Variants in FAM167A observed in about 807,000 individuals in gnomAD.
FAM167A encodes family with sequence similarity 167 member A.
In FAM167A, 23 loss-of-function variants were observed where a neutral mutation model predicts 14.9. The ratio of observed to expected loss-of-function variants is 1.55; its 90% CI spans 1.11 to 2.19. The LOEUF (loss-of-function observed/expected upper bound fraction) is 2.19. Ranked by LOEUF, FAM167A falls within the 30% of genes most tolerant of loss-of-function variation. The pLI is 0.00. For missense variants in FAM167A, 401 were observed against 281.5 expected, an observed-to-expected ratio of 1.42 and a Z score of -3.04; for synonymous variants, 174 against 117.7, an observed-to-expected ratio of 1.48 and a Z score of -3.10.
intron 1 of FAM167A, among the ~76,000 whole-genome samples, chr8:11,464,460 T>C (rs933311411): frequency 1.5e-4 from 23 of 152,016 alleles, no homozygotes; most frequent in Admixed American, 1.3e-3. Context: ...CACCTCCCCC[T>C]GCCCACCATG....
Position 11,473,316 on chromosome 8 carries a change from C to T in FAM167A, c.-398+2550G>A, listed in dbSNP as rs373241514. 1.4e-4 allele frequency among the ~76,000 whole-genome samples: 22 copies of T among 152,112 alleles called. 1 individual carries two copies. The highest frequency in any genetic ancestry group is 1.4e-3 in the East Asian group (7 of 5,178). ...GAAGCTTGTTGCATACAGGGATGAT[C>T]ATTCTGTCATCAGGAAGGCCGAGAC... On this transcript the variant is annotated intron_variant, in intron 1 of 1. Transcript: ENST00000648766.
At chr8:11,429,347 G>C (rs1001148472) in intron 2 of FAM167A, among the ~76,000 whole-genome samples, 4 of 152,234 alleles carry the variant, frequency 2.6e-5, no homozygotes, top group Non-Finnish European at 5.9e-5. Context: ...TGTGGAGTTA[G>C]TCGGGAGGAC....
chr8:11,436,667 A>C (rs1299642694), intron 2 of FAM167A, among the ~76,000 whole-genome samples: 1 of 152,206 alleles, frequency 6.6e-6, no homozygotes, highest in Admixed American at 6.5e-5. Flanking sequence ...AGCTTTAGCC[A>C]AGGTGATAAC....
chr8:11,444,336 G>C lies in FAM167A; in HGVS notation c.76C>G (p.His26Asp). The C allele has an allele frequency of 6.2e-7, 1 of 1,608,774 alleles. No homozygotes were observed. The highest frequency in any genetic ancestry group is 8.5e-7 in the Non-Finnish European group (1 of 1,177,788). Residue 26 changes from histidine (H) to aspartate (D), a missense_variant, in exon 2 of 3, where the codon CAC (histidine) becomes GAC (aspartate). Physicochemically the swap from His to Asp is moderately conservative, Grantham distance 81. Coordinates refer to ENST00000284486, the MANE Select transcript of FAM167A (RefSeq NM_053279.3). ...GAGAAAPPDD[H>D]LRSLKALTEK... ...GTGAGGGCCTTCAGGCTCCGGAGGT[G>C]GTCATCGGGTGGTGCGGCTGCTCCC...
intron 1 of FAM167A, among the ~76,000 whole-genome samples, chr8:11,460,287 A>G (rs921381485): frequency 6.6e-6 from 1 of 152,168 alleles, no homozygotes; most frequent in Non-Finnish European, 1.5e-5. Context: ...AACATTTTGG[A>G]CAGAGCCAGC....
At chr8:11,440,038 C>G (rs1319860772) in intron 2 of FAM167A, among the ~76,000 whole-genome samples, 2 of 152,188 alleles carry the variant, frequency 1.3e-5, no homozygotes, top group Admixed American at 1.3e-4. Context: ...ATGCCCTCCC[C>G]CCACTCCCAC....
At position 11,423,172 on chromosome 8, in the gene FAM167A, A is replaced by G. The variant is rs1019009265; in HGVS notation, c.*1201T>C. The stretch of plus-strand genomic sequence containing the variant: ...ACACCAAAGGTCAGAAACACTCCTT[A>G]TCTCAGGATTCTACGGGTCTGGCCG... On this transcript the variant is annotated 3_prime_UTR_variant, in exon 3 of 3. Transcript: ENST00000284486. The G allele has an allele frequency of 2.0e-5, 3 of 152,238 alleles. No individual in the cohort carries two copies. The highest frequency in any genetic ancestry group is 6.5e-5 in the Admixed American group (1 of 15,278). The allele number at this position is 152,238 out of a possible 1,614,324, so 9.4% of individuals were successfully genotyped here. A position where few individuals can be genotyped will look rare whatever the true frequency, so the allele number is the denominator to read the frequency against.
chr8:11,443,228 G>T (rs887712549), intron 2 of FAM167A, among the ~76,000 whole-genome samples: 5 of 152,170 alleles, frequency 3.3e-5, no homozygotes, highest in Non-Finnish European at 7.4e-5. Context: ...TCCCCTGGGG[G>T]GGTGGAAGGG....
At chr8:11,432,004 G>A (rs886151139) in intron 2 of FAM167A, among the ~76,000 whole-genome samples, 1 of 151,886 alleles carries the variant, frequency 6.6e-6, no homozygotes, top group Non-Finnish European at 1.5e-5. Flanking sequence ...CCTGGCAAAG[G>A]CTAGTCTAAC....
At chr8:11,457,925 G>T (rs1242690463) in intron 1 of FAM167A, among the ~76,000 whole-genome samples, 1 of 152,232 alleles carries the variant, frequency 6.6e-6, no homozygotes, top group Non-Finnish European at 1.5e-5. Flanking sequence ...CCAGACATCA[G>T]CTCCTTGAGG....
intron 1 of FAM167A, among the ~76,000 whole-genome samples, chr8:11,456,046 G>GA (rs1807263244): frequency 1.6e-5 from 1 of 63,504 alleles, no homozygotes; most frequent in Non-Finnish European, 3.4e-5. Flanking sequence ...GTGTGAGTGT[G>GA]GGGTGGTTGC....
At chr8:11,454,816 C>T (rs2117122114) in intron 1 of FAM167A, among the ~76,000 whole-genome samples, 1 of 152,310 alleles carries the variant, frequency 6.6e-6, no homozygotes, top group East Asian at 1.9e-4. Flanking sequence ...CAGGACTGGG[C>T]TGGCCTCTGG....
Position 11,444,449 on chromosome 8 carries a change from C to G in FAM167A, c.-38G>C. 1.4e-6 allele frequency: 2 copies of G among 1,479,688 alleles called. No individual in the cohort carries two copies. 91.7% of individuals were successfully genotyped at this position (1,479,688 alleles called of 1,614,324 possible). ...CCTGGCAGCCGGACATGCGAGGGCA[C>G]GGGGGGCGCAGGGGGAGGCTTGGTG... On this transcript the variant is annotated 5_prime_UTR_variant, in exon 2 of 3. Transcript: ENST00000284486.
intron 1 of FAM167A, among the ~76,000 whole-genome samples, chr8:11,473,647 G>T (rs536013397): frequency 6.6e-6 from 1 of 152,264 alleles, no homozygotes; most frequent in South Asian, 2.1e-4. Flanking sequence ...GCAGGGTGCG[G>T]TTCTATCTCT....
intron 1 of FAM167A, among the ~76,000 whole-genome samples, chr8:11,459,850 G>A (rs1022428351): frequency 2.9e-4 from 44 of 152,104 alleles, no homozygotes; most frequent in African/African-American, 9.2e-4. Context: ...TGAGTAGCTG[G>A]GATTACAGGC....
intron 2 of FAM167A, among the ~76,000 whole-genome samples, chr8:11,426,621 A>AT (rs1162862736): frequency 2.0e-5 from 3 of 152,240 alleles, no homozygotes; most frequent in East Asian, 1.9e-4. Context: ...CTCAAAGATG[A>AT]TTTTGAGGGC....
upstream of FAM167A, among the ~76,000 whole-genome samples, chr8:11,469,513 C>T (rs538861559): frequency 2.0e-4 from 31 of 152,212 alleles, no homozygotes; most frequent in African/African-American, 6.3e-4. Flanking sequence ...TCCGTTGGTG[C>T]ATGATGCATG....
Position 11,424,360 on chromosome 8 carries a change from G to C in FAM167A, c.*13C>G, listed in dbSNP as rs1426116379. On this transcript the variant is annotated 3_prime_UTR_variant, in exon 3 of 3. Transcript: ENST00000284486. ...CCCTCCGCTCCAGCCCCTCCGCCCA[G>C]TCTGAGGGCTCCTCAGCAGAGAGAG... 12 of 1,613,664 alleles carry C rather than the reference G, an allele frequency of 7.4e-6. No homozygotes were observed. The highest frequency in any genetic ancestry group is 1.3e-5 in the African/African-American group (1 of 74,872).
intron 1 of FAM167A, among the ~76,000 whole-genome samples, chr8:11,460,667 A>G (rs1807502812): frequency 6.6e-6 from 1 of 152,124 alleles, no homozygotes; most frequent in Non-Finnish European, 1.5e-5. Context: ...TTTTCCCCAC[A>G]CACACAATGA....
Sources: allele counts gnomAD v4.1 joint callset (sites outside exome capture counted in the v4.1 genomes callset), GRCh38; gene constraint gnomAD v4.1.1; transcripts MANE v1.5; gene names NCBI Gene and HGNC (gene_info 2026-07-23, HGNC 2026-07-21).